Variants in LGSN observed in about 807,000 individuals in gnomAD.
LGSN encodes lengsin.
Under a neutral mutation model 19.5 loss-of-function variants are expected in LGSN, and 21 were observed. The ratio of observed to expected loss-of-function variants is 1.07; its 90% confidence interval spans 0.76 to 1.55. LGSN has a LOEUF of 1.55. Among genes scored for constraint, LGSN ranks in the 40% most tolerant of loss-of-function variants. The pLI, the probability that LGSN is intolerant of heterozygous loss-of-function variation, is 0.00. For synonymous variants in LGSN, 257 were observed against 215.6 expected (o/e 1.19, Z -1.68); for missense variants, 673 against 608.5 (o/e 1.11, Z -1.12).
At chr6:63,549,471 G>C in the LGSN span, 1 of 793,442 alleles carries the variant, frequency 1.3e-6, no homozygotes. Flanking sequence ...CAGGGCCGGA[G>C]CCACCTTCTT....
At chr6:63,312,666 G>C (rs1184767018) in intron 1 of LGSN, among the ~76,000 whole-genome samples, 1 of 152,106 alleles carries the variant, frequency 6.6e-6, no homozygotes, top group East Asian at 1.9e-4. Context: ...CTACAGCTAG[G>C]TCAGGATACC....
the LGSN span, among the ~76,000 whole-genome samples, chr6:63,483,711 C>A: frequency 6.6e-6 from 1 of 152,108 alleles, no homozygotes; most frequent in Non-Finnish European, 1.5e-5. Context: ...ATTCTAATGG[C>A]TTTCCCATGG....
At chr6:63,374,235 T>A in the LGSN span, among the ~76,000 whole-genome samples, 1 of 151,888 alleles carries the variant, frequency 6.6e-6, no homozygotes, top group East Asian at 1.9e-4. Context: ...TGTGGCAAAA[T>A]GTTATCTTTG....
chr6:63,353,231 A>AG, the LGSN span, among the ~76,000 whole-genome samples: 2 of 152,242 alleles, frequency 1.3e-5, no homozygotes, highest in South Asian at 4.1e-4. Flanking sequence ...GTAACACCAA[A>AG]GGGGAAGGAA....
At chr6:63,513,508 A>G in the LGSN span, among the ~76,000 whole-genome samples, 2 of 152,246 alleles carry the variant, frequency 1.3e-5, no homozygotes, top group African/African-American at 4.8e-5. Context: ...TTCTCTGGCC[A>G]CTTCTTGGAA....
At chr6:63,401,733 T>G in the LGSN span, among the ~76,000 whole-genome samples, 13 of 152,198 alleles carry the variant, frequency 8.5e-5, no homozygotes, top group African/African-American at 3.1e-4. Context: ...ATATCTGGTT[T>G]AGCTCTAGAG....
At chr6:63,314,112 C>A (rs185059108) in intron 1 of LGSN, among the ~76,000 whole-genome samples, 4 of 152,180 alleles carry the variant, frequency 2.6e-5, no homozygotes, top group Non-Finnish European at 5.9e-5. Flanking sequence ...TTAAGAACGG[C>A]ATGTTTGTGT....
At chr6:63,415,396 C>G in the LGSN span, among the ~76,000 whole-genome samples, 1 of 152,170 alleles carries the variant, frequency 6.6e-6, no homozygotes. Flanking sequence ...ACTCACAGTT[C>G]AGCATGGCTG....
chr6:63,366,595 A>G, the LGSN span, among the ~76,000 whole-genome samples: 1 of 152,266 alleles, frequency 6.6e-6, no homozygotes, highest in African/African-American at 2.4e-5. Context: ...ACTACTTTAA[A>G]GTTCATATGG....
chr6:63,296,245 TGTG>T, intron 1 of LGSN, among the ~76,000 whole-genome samples: 1 of 152,114 alleles, frequency 6.6e-6, no homozygotes, highest in South Asian at 2.1e-4. Flanking sequence ...ATTAGAAAAT[TGTG>T]GTCTTTTTCA....
chr6:63,279,340 A>G lies in LGSN; in HGVS notation c.*681T>C, dbSNP rs1767197817. On this transcript the variant is annotated 3_prime_UTR_variant, in exon 4 of 4. Transcript: ENST00000370657. ...AGGCTTTAACTACTTTTAAAATCTGACCTCGTTGTTCTCAGCTCCAATTCT... is the reference window on the plus strand; with the variant it reads ...AGGCTTTAACTACTTTTAAAATCTGGCCTCGTTGTTCTCAGCTCCAATTCT... 6.6e-6 allele frequency: 1 copy of G among 152,120 alleles called. No individual in the cohort carries two copies. Among genetic ancestry groups the G allele is most frequent in the Non-Finnish European group, 1.5e-5 (1 of 68,032 alleles). 9.4% of individuals were successfully genotyped at this position (152,120 alleles called of 1,614,324 possible). A position where few individuals can be genotyped will look rare whatever the true frequency, so the allele number is the denominator to read the frequency against.
chr6:63,522,005 A>G, the LGSN span, among the ~76,000 whole-genome samples: 2 of 152,240 alleles, frequency 1.3e-5, no homozygotes, highest in Admixed American at 6.5e-5. Context: ...AGCCCAGACT[A>G]GAACCCAAGT....
chr6:63,413,538 C>T, the LGSN span, among the ~76,000 whole-genome samples: 2 of 152,138 alleles, frequency 1.3e-5, no homozygotes. Flanking sequence ...GATCATTGGG[C>T]TAGAAATAGA....
At chr6:63,418,933 A>C in the LGSN span, among the ~76,000 whole-genome samples, 1 of 150,786 alleles carries the variant, frequency 6.6e-6, no homozygotes, top group African/African-American at 2.4e-5. Flanking sequence ...CATGAGGGGA[A>C]CTTTGACTCC....
At chr6:63,320,638 A>G (rs1010413339), upstream of LGSN, among the ~76,000 whole-genome samples, 5 of 152,212 alleles carry the variant, frequency 3.3e-5, no homozygotes, top group African/African-American at 1.2e-4. Context: ...TAGAGGAAAT[A>G]GGGAATGCTT....
At chr6:63,510,092 A>G in the LGSN span, among the ~76,000 whole-genome samples, 3 of 152,252 alleles carry the variant, frequency 2.0e-5, no homozygotes, top group Admixed American at 1.3e-4. Context: ...TTTTAAAGAT[A>G]GAAAGAAACA....
At chr6:63,439,293 G>A in the LGSN span, among the ~76,000 whole-genome samples, 45 of 152,054 alleles carry the variant, frequency 3.0e-4, no homozygotes, top group Non-Finnish European at 2.8e-4. Flanking sequence ...AGCATGGCAC[G>A]TGTATACATA....
the LGSN span, among the ~76,000 whole-genome samples, chr6:63,384,346 CAAT>C: frequency 1.3e-5 from 2 of 152,076 alleles, no homozygotes; most frequent in East Asian, 3.9e-4. Context: ...TAATTCTGCA[CAAT>C]GAGACATGAG....
the LGSN span, among the ~76,000 whole-genome samples, chr6:63,562,494 TG>T: frequency 6.6e-6 from 1 of 152,262 alleles, no homozygotes; most frequent in East Asian, 1.9e-4. Flanking sequence ...CCACCTTGAC[TG>T]GCAAGATACT....
Sources: gnomAD v4.1 joint callset for allele counts (sites outside exome capture counted in the v4.1 genomes callset) on GRCh38, gnomAD v4.1.1 for gene constraint, MANE v1.5 for transcripts, NCBI Gene and HGNC (gene_info 2026-07-23, HGNC 2026-07-21) for gene names.